The following WRN variants were observed in gnomAD, a reference collection of about 807,000 sequenced individuals.
WRN encodes bifunctional 3'-5' exonuclease/ATP-dependent helicase WRN.
Under a neutral mutation model 180.7 loss-of-function variants are expected in WRN, and 149 were observed. That is an observed-to-expected ratio of 0.82 (90% confidence interval 0.72 to 0.94). WRN has a LOEUF of 0.94. Among genes scored for constraint, WRN ranks in the 40% least tolerant of loss-of-function variants. The pLI is 0.00. For synonymous variants in WRN, 548 were observed against 568.9 expected, an observed-to-expected ratio of 0.96 and a Z score of 0.52; for missense variants, 1,661 against 1,700.1, an observed-to-expected ratio of 0.98 and a Z score of 0.40.
intron 17 of WRN, 37 bp downstream of exon 17, chr8:31,096,887 G>A: frequency 6.4e-7 from 1 of 1,557,300 alleles, no homozygotes; most frequent in Non-Finnish European, 8.9e-7. Context: ...AATACTTACT[G>A]AGTTAATATT....
chr8:31,035,405 C>A (rs1208316637), intron 1 of WRN, among the ~76,000 whole-genome samples: 1 of 152,064 alleles, frequency 6.6e-6, no homozygotes, highest in African/African-American at 2.4e-5. Context: ...CCTTGACGTT[C>A]TCTGGAGGAG....
rs1446581275 is a variant in WRN, at chr8:31,090,815, A to G, written c.1721-19A>G. 2 of 1,568,578 alleles carry G rather than the reference A, an allele frequency of 1.3e-6. No individual in the cohort carries two copies. The highest frequency in any genetic ancestry group is 1.2e-5 in the South Asian group (1 of 85,478). On this transcript the variant is annotated intron_variant, in intron 14 of 34. Coordinates refer to ENST00000298139, the MANE Select transcript of WRN (RefSeq NM_000553.6). ...TCTATATTTTTTTCATTTTATTTTT[A>G]TATTTTTTTCATTTCAAGGATATGG...
chr8:31,121,078 A>G (rs1482333124), intron 21 of WRN, among the ~76,000 whole-genome samples: 2 of 151,986 alleles, frequency 1.3e-5, no homozygotes, highest in Admixed American at 6.6e-5. Flanking sequence ...CTTAAGTTCT[A>G]TGAGATTTTT....
chr8:31,069,283 C>G (rs993402387), intron 7 of WRN, among the ~76,000 whole-genome samples: 5 of 152,202 alleles, frequency 3.3e-5, no homozygotes, highest in Non-Finnish European at 7.3e-5. Context: ...GGCAGGCCCT[C>G]CTTTATATGT....
intron 34 of WRN, chr8:31,171,561 T>C (rs1469508729): frequency 6.6e-6 from 1 of 152,262 alleles, no homozygotes; most frequent in Non-Finnish European, 1.5e-5. Flanking sequence ...TTTGATTTTC[T>C]CTTCCCTGCT....
rs560221327 is a variant in WRN, at chr8:31,175,275, A to G, written c.*2173A>G. The stretch of plus-strand genomic sequence containing the variant: ...CATGGTGAAACCCCGTCTCTACTAA[A>G]AATACAAAAATTAGCTGGGTGTGTT... On this transcript the variant is annotated 3_prime_UTR_variant, in exon 35 of 35. Transcript: ENST00000298139. 3.3e-5 allele frequency among the ~76,000 whole-genome samples: 5 copies of G among 152,182 alleles called. No homozygotes were observed. The highest frequency in any genetic ancestry group is 2.0e-4 in the Admixed American group (3 of 15,290).
intron 12 of WRN, 135 bp downstream of exon 12, chr8:31,088,055 T>A (rs1329237262): frequency 1.4e-6 from 2 of 1,471,614 alleles, no homozygotes; most frequent in Non-Finnish European, 1.8e-6. Flanking sequence ...TTATAAGCTT[T>A]TGTCTCCTTA....
At chr8:31,090,560 C>G (rs776957875) in intron 14 of WRN, 28 bp downstream of exon 14, 4 of 1,595,818 alleles carry the variant, frequency 2.5e-6, no homozygotes, top group Non-Finnish European at 3.4e-6. Flanking sequence ...AAAACCTAAT[C>G]CTTTAAAAAA....
Position 31,064,447 on chromosome 8 carries a change from A to G in WRN, c.355+13A>G, listed in dbSNP as rs776287613. ...TCTTCCATGTCAGGTTGGTATCTCT[A>G]CATTTCATTTTTATATGGCTGATAA... On this transcript the variant is annotated intron_variant, in intron 4 of 34. Coordinates refer to ENST00000298139, the MANE Select transcript of WRN (RefSeq NM_000553.6). The G allele has an allele frequency of 3.7e-6, 6 of 1,613,902 alleles. No individual in the cohort carries two copies. In the Admixed American group the frequency reaches 8.3e-5, roughly 22 times the overall value.
chr8:31,165,809 C>T lies in WRN; in HGVS notation c.3983-1213C>T, dbSNP rs550224620. ...TACATACATACAACAGAATACTGAG[C>T]CATTAAAAAATGATGAAATAGTAAA... On this transcript the variant is annotated intron_variant, in intron 33 of 34. Transcript: ENST00000298139. 5.3e-5 allele frequency among the ~76,000 whole-genome samples: 8 copies of T among 151,992 alleles called. No individual in the cohort carries two copies. In the South Asian group the frequency reaches 1.7e-3, roughly 32 times the overall value.
chr8:31,170,028 T>G (rs1804045635), intron 34 of WRN, among the ~76,000 whole-genome samples: 1 of 152,180 alleles, frequency 6.6e-6, no homozygotes, highest in Non-Finnish European at 1.5e-5. Context: ...TGGGCTATCT[T>G]GGGGTTCTCT....
At chr8:31,119,973 C>G in intron 20 of WRN, 4 of 393,688 alleles carry the variant, frequency 1.0e-5, no homozygotes, top group Non-Finnish European at 1.9e-5. Flanking sequence ...ATTTTGAACC[C>G]CTTTTGTGTC....
intron 12 of WRN, 75 bp downstream of exon 12, chr8:31,087,995 G>A: frequency 6.4e-7 from 1 of 1,565,608 alleles, no homozygotes; most frequent in Non-Finnish European, 8.7e-7. Flanking sequence ...TCCAGTTTTG[G>A]ATGGTTTGGA....
chr8:31,075,741 C>T (rs1684950140), intron 7 of WRN, among the ~76,000 whole-genome samples: 1 of 150,412 alleles, frequency 6.6e-6, no homozygotes, highest in Admixed American at 6.6e-5. Flanking sequence ...AAAGGAAGGG[C>T]TTACATTTTA....
intron 28 of WRN, among the ~76,000 whole-genome samples, chr8:31,144,990 A>G (rs1287698332): frequency 6.6e-6 from 1 of 152,240 alleles, no homozygotes; most frequent in African/African-American, 2.4e-5. Flanking sequence ...GAGAGAGGTG[A>G]GGAAGCTGCA....
At position 31,143,622 on chromosome 8, in the gene WRN, A is replaced by C. The variant is rs1169330916; in HGVS notation, c.3382A>C (p.Ser1128Arg). 25 of 1,578,742 alleles carry C rather than the reference A, an allele frequency of 1.6e-5. No homozygotes were observed. The highest frequency in any genetic ancestry group is 2.0e-5 in the Non-Finnish European group (23 of 1,149,160). Residue 1128 changes from serine (S) to arginine (R), a missense_variant and splice_region_variant, in exon 28 of 35, where the codon AGT (serine) becomes CGT (arginine). Coordinates refer to ENST00000298139, the MANE Select transcript of WRN (RefSeq NM_000553.6). ...TTCTGGGAGTAACATTTCTAAAAAAAGGTACAGAGTTCCATATTTCTATGT... is the reference window on the plus strand; with the variant it reads ...TTCTGGGAGTAACATTTCTAAAAAACGGTACAGAGTTCCATATTTCTATGT... ...ISSGSNISKKSIMVQSPEKAY... is the reference protein window; with the variant it reads ...ISSGSNISKKRIMVQSPEKAY...
At chr8:31,097,296 G>A (rs935048146) in intron 17 of WRN, among the ~76,000 whole-genome samples, 1 of 151,916 alleles carries the variant, frequency 6.6e-6, no homozygotes, top group Non-Finnish European at 1.5e-5. Context: ...TTGTTCATAA[G>A]AATCACTTTT....
chr8:31,059,557 C>T (rs1488367856), intron 3 of WRN, among the ~76,000 whole-genome samples: 1 of 151,926 alleles, frequency 6.6e-6, no homozygotes, highest in Non-Finnish European at 1.5e-5. Flanking sequence ...ACTTTCAGTA[C>T]TTAAGATGTT....
Position 31,081,171 on chromosome 8 carries a change from A to G in WRN, c.1144A>G (p.Lys382Glu). The stretch of plus-strand genomic sequence containing the variant: ...ATTTGAAGATGGAGTAGAAGACAAC[A>G]AATTGAAAGAGAATATGGAAAGAGC... ...DGFEDGVEDN[K>E]LKENMERACL... The change falls in exon 9 of 35, where the codon AAA becomes GAA. Residue 382 changes from lysine (K) to glutamate (E), a missense_variant. Lys to Glu is a moderately conservative substitution (Grantham distance 56). Around this residue, in one of 3 missense-constraint regions of WRN, gnomAD observed 500 missense variants for 504.1 expected, o/e 0.99. Coordinates refer to ENST00000298139, the MANE Select transcript of WRN (RefSeq NM_000553.6). The G allele has an allele frequency of 6.2e-7, 1 of 1,614,100 alleles. No individual in the cohort carries two copies. Among genetic ancestry groups the G allele is most frequent in the Non-Finnish European group, 8.5e-7 (1 of 1,179,972 alleles).
Sources: gnomAD v4.1 joint callset for allele counts (sites outside exome capture counted in the v4.1 genomes callset) on GRCh38, gnomAD v4.1.1 for gene constraint, gnomAD v4.1.1 regional missense constraint, MANE v1.5 for transcripts, NCBI Gene and HGNC (gene_info 2026-07-23, HGNC 2026-07-21) for gene names.